The following AMOTL1 variants were observed in gnomAD, a reference collection of about 807,000 sequenced individuals.
AMOTL1 encodes the protein angiomotin-like protein 1.
AMOTL1 carries 45 observed loss-of-function variants against 102.9 expected under a neutral mutation model. The ratio of observed to expected loss-of-function variants is 0.44; its 90% CI spans 0.34 to 0.56. The LOEUF (loss-of-function observed/expected upper bound fraction) is 0.56, where lower values mean the gene tolerates loss of function less well. Ranked by LOEUF, AMOTL1 falls within the 20% of genes least tolerant of loss-of-function variation. The probability of loss-of-function intolerance (pLI) is 0.01; values close to 1 mark genes in which losing one functional copy is unlikely to be tolerated. For missense variants in AMOTL1, 1,114 were observed against 1,225.6 expected, an observed-to-expected ratio of 0.91 and a Z score of 1.36; for synonymous variants, 481 against 484.7, an observed-to-expected ratio of 0.99 and a Z score of 0.10.
At chr11:94,755,148 T>G (rs942950849) in intron 3 of AMOTL1, among the ~76,000 whole-genome samples, 5 of 152,226 alleles carry the variant, frequency 3.3e-5, no homozygotes, top group African/African-American at 1.2e-4. Flanking sequence ...TGCTTGAAAT[T>G]AACCCTTCCT....
At chr11:94,787,396 C>T (rs1050427650) in intron 1 of AMOTL1, among the ~76,000 whole-genome samples, 3 of 151,980 alleles carry the variant, frequency 2.0e-5, no homozygotes, top group African/African-American at 7.3e-5. Flanking sequence ...ACTATAATTC[C>T]AGGCAGATAG....
At chr11:94,793,756 G>A (rs1253634955) in intron 1 of AMOTL1, among the ~76,000 whole-genome samples, 1 of 152,200 alleles carries the variant, frequency 6.6e-6, no homozygotes, top group Non-Finnish European at 1.5e-5. Context: ...GTCATGCATT[G>A]GAACTGTAGT....
chr11:94,778,677 T>C (rs1307140884), intron 1 of AMOTL1, among the ~76,000 whole-genome samples: 2 of 152,184 alleles, frequency 1.3e-5, no homozygotes, highest in African/African-American at 4.8e-5. Context: ...ATAGATTCTA[T>C]GGGTCTGGAC....
At chr11:94,867,504 A>G (rs760537904) in intron 11 of AMOTL1, among the ~76,000 whole-genome samples, 21 of 152,180 alleles carry the variant, frequency 1.4e-4, no homozygotes, top group Admixed American at 3.3e-4. Context: ...TGTCTAAACC[A>G]GGCCTGGGAG....
chr11:94,716,300 A>G (rs1048220433), intron 1 of AMOTL1, among the ~76,000 whole-genome samples: 2 of 152,168 alleles, frequency 1.3e-5, no homozygotes, highest in African/African-American at 2.4e-5. Context: ...TGATTGCCTT[A>G]AAATCCTTTT....
chr11:94,840,122 T>G (rs963601516), intron 6 of AMOTL1, among the ~76,000 whole-genome samples: 2 of 152,158 alleles, frequency 1.3e-5, no homozygotes, highest in African/African-American at 4.8e-5. Context: ...AAGAGAAAGC[T>G]TTCTCAAAAT....
At chr11:94,756,029 G>A (rs1950719290) in intron 3 of AMOTL1, among the ~76,000 whole-genome samples, 1 of 152,138 alleles carries the variant, frequency 6.6e-6, no homozygotes, top group Non-Finnish European at 1.5e-5. Flanking sequence ...AACCAGAAAG[G>A]GGATGGAGTT....
At chr11:94,709,796 G>T (rs953844265) in intron 1 of AMOTL1, among the ~76,000 whole-genome samples, 1 of 151,988 alleles carries the variant, frequency 6.6e-6, no homozygotes, top group African/African-American at 2.4e-5. Context: ...GTTTGGGGGT[G>T]GTTTTTATGT....
chr11:94,750,676 C>T (rs1349315122), intron 3 of AMOTL1, among the ~76,000 whole-genome samples: 3 of 152,214 alleles, frequency 2.0e-5, no homozygotes, highest in East Asian at 3.9e-4. Context: ...CATCCTCCTC[C>T]TCAAGCCCTG....
chr11:94,791,215 G>A (rs1951280321), intron 1 of AMOTL1, among the ~76,000 whole-genome samples: 1 of 152,222 alleles, frequency 6.6e-6, no homozygotes, highest in South Asian at 2.1e-4. Context: ...CATTCTTGGT[G>A]AAATGGGTCA....
chr11:94,738,247 C>T (rs1950463393), intron 2 of AMOTL1, among the ~76,000 whole-genome samples: 1 of 130,576 alleles, frequency 7.7e-6, no homozygotes. Flanking sequence ...GACCAGAGAG[C>T]ATAATTTTGT....
At chr11:94,712,660 T>G (rs1045853978) in intron 1 of AMOTL1, among the ~76,000 whole-genome samples, 1 of 150,240 alleles carries the variant, frequency 6.7e-6, no homozygotes, top group Admixed American at 6.6e-5. Flanking sequence ...CACTATATTC[T>G]AATTGGATTG....
chr11:94,838,310 AT>A (rs1333689448), intron 6 of AMOTL1, among the ~76,000 whole-genome samples: 1 of 152,256 alleles, frequency 6.6e-6, no homozygotes, highest in African/African-American at 2.4e-5. Context: ...TTTGCTGGAC[AT>A]TGAATGAAAT....
chr11:94,741,231 CGTGTGT>C (rs112559276), intron 3 of AMOTL1, among the ~76,000 whole-genome samples: 1 of 149,330 alleles, frequency 6.7e-6, no homozygotes, highest in Non-Finnish European at 1.5e-5. Context: ...CGTGCGTGTG[CGTGTGT>C]GTGTGTGTGA....
At chr11:94,770,392 G>A (rs1212291972) in intron 1 of AMOTL1, among the ~76,000 whole-genome samples, 1 of 151,434 alleles carries the variant, frequency 6.6e-6, no homozygotes, top group Non-Finnish European at 1.5e-5. Flanking sequence ...CGACCAGAAT[G>A]AAAAGGGTAG....
chr11:94,800,052 T>A lies in AMOTL1; in HGVS notation c.862T>A (p.Phe288Ile). The A allele has an allele frequency of 6.2e-7, 1 of 1,613,974 alleles. No homozygotes were observed. Among genetic ancestry groups the A allele is most frequent in the South Asian group, 1.1e-5 (1 of 91,080 alleles). The change falls in exon 3 of 13, where the codon TTC (phenylalanine) becomes ATC (isoleucine). Residue 288 changes from phenylalanine (F) to isoleucine (I), a missense_variant. By Grantham distance (21) the Phe-to-Ile change is conservative. Transcript: ENST00000433060. ...TCCCGGCTCGGGGAATGGAAAGGGCTTCAAAGTAGGAGGGGGGCCCTCCCC... is the reference window on the plus strand; with the variant it reads ...TCCCGGCTCGGGGAATGGAAAGGGCATCAAAGTAGGAGGGGGGCCCTCCCC... The part of the protein sequence containing the change: ...HLPGSGNGKG[F>I]KVGGGPSPAQ...
At chr11:94,867,022 G>T (rs924377919) in intron 11 of AMOTL1, among the ~76,000 whole-genome samples, 3 of 152,186 alleles carry the variant, frequency 2.0e-5, no homozygotes, top group South Asian at 2.1e-4. Context: ...CCTCTCCAGG[G>T]GTCTGGCCCT....
In AMOTL1 at chr11:94,790,668, T is replaced by C. The variant is rs117482985; in HGVS notation, c.50-4343T>C. Among the ~76,000 whole-genome samples the C allele has an allele frequency of 7.0e-3, 1,071 of 152,288 alleles. 9 individuals carry two copies. Among genetic ancestry groups the C allele is most frequent in the Middle Eastern group, 0.017 (5 of 294 alleles). On this transcript the variant is annotated intron_variant, in intron 1 of 12. Transcript: ENST00000433060. ...CCACAAAAATTCCACCCTGAAGTTA[T>C]AGTCCAAATCATTATGTGTAAGGGA...
chr11:94,772,552 G>A (rs1950968946), intron 1 of AMOTL1, among the ~76,000 whole-genome samples: 1 of 152,180 alleles, frequency 6.6e-6, no homozygotes. Flanking sequence ...TCTCTCAATA[G>A]TTTGTTTCTT....
Sources: gnomAD v4.1 joint callset for allele counts (sites outside exome capture counted in the v4.1 genomes callset) on GRCh38, gnomAD v4.1.1 for gene constraint, MANE v1.5 for transcripts, NCBI Gene and HGNC (gene_info 2026-07-23, HGNC 2026-07-21) for gene names.